Variants in DNAH2 observed in about 807,000 individuals in gnomAD.
DNAH2 encodes the protein dynein axonemal heavy chain 2.
DNAH2 carries 323 observed loss-of-function variants against 523.5 expected under a neutral mutation model. That is an observed-to-expected ratio of 0.62 (90% confidence interval 0.56 to 0.68). The LOEUF (loss-of-function observed/expected upper bound fraction) is 0.68. Among genes scored for constraint, DNAH2 ranks in the 30% least tolerant of loss-of-function variants. The pLI is 0.00. For synonymous variants in DNAH2, 2,093 were observed against 2,177.4 expected, an observed-to-expected ratio of 0.96 and a Z score of 1.08; for missense variants, 4,907 against 5,701.5, an observed-to-expected ratio of 0.86 and a Z score of 4.49.
rs2075765517 is a variant in DNAH2, at chr17:7,754,019, A to T, written c.1905-3072A>T. ...GGCCTGGGAAGCATCCATGGGGTGG[A>T]GTGCTAGGGGATGCTTGGTGAGTGT... On this transcript the variant is annotated intron_variant, in intron 12 of 85. Transcript: ENST00000572933. This position sits in a 1 kb window ranked among gnomAD's most constrained non-coding sequence, Gnocchi z 4.6. 6.6e-6 allele frequency among the ~76,000 whole-genome samples: 1 copy of T among 151,880 alleles called. No individual in the cohort carries two copies. The highest frequency in any genetic ancestry group is 6.6e-5 in the Admixed American group (1 of 15,216).
chr17:7,807,691 T>C lies in DNAH2; in HGVS notation c.9729+105T>C. The C allele has an allele frequency of 1.0e-6, 1 of 986,426 alleles. No individual in the cohort carries two copies. The allele number at this position is 986,426 out of a possible 1,614,324, so 61.1% of individuals were successfully genotyped here. On this transcript the variant is annotated intron_variant, in intron 63 of 85. Coordinates refer to ENST00000572933, the MANE Select transcript of DNAH2 (RefSeq NM_020877.5). This position sits in a 1 kb window ranked among gnomAD's most constrained non-coding sequence, Gnocchi z 5.6. ...CATCTAATTCTAGCCCCCTTCCCCA[T>C]GTCCTGTGCCATTCCAGTCCTGTCT...
At chr17:7,824,443 C>G (rs914546643) in intron 76 of DNAH2, 94 bp from the exon 77 acceptor site, 5 of 1,388,400 alleles carry the variant, frequency 3.6e-6, no homozygotes, top group African/African-American at 1.5e-5. Flanking sequence ...AGTGTTAGGC[C>G]CCCCCAGCAC....
intron 79 of DNAH2, 111 bp from the exon 80 acceptor site, chr17:7,830,975 G>C (rs191532516): frequency 6.6e-7 from 1 of 1,506,970 alleles, no homozygotes; most frequent in Non-Finnish European, 9.1e-7. Flanking sequence ...ATTGAGATGG[G>C]GAGCAGGGCA....
chr17:7,788,282 G>A, intron 44 of DNAH2, 38 bp downstream of exon 44: 1 of 1,527,424 alleles, frequency 6.5e-7, no homozygotes, highest in Non-Finnish European at 8.8e-7. Context: ...GGGGCAGGGG[G>A]TGCTCACAGC....
At chr17:7,787,312 A>T in intron 42 of DNAH2, 2 of 515,658 alleles carry the variant, frequency 3.9e-6, no homozygotes, top group Non-Finnish European at 6.9e-6. Flanking sequence ...ATGAGGCAGG[A>T]CCCTCGTTTG....
intron 22 of DNAH2, 116 bp downstream of exon 22, chr17:7,766,597 T>G: frequency 8.5e-7 from 1 of 1,183,132 alleles, no homozygotes; most frequent in Non-Finnish European, 1.1e-6. Context: ...AAGGAGCTTT[T>G]GTTTGTTTCA....
chr17:7,816,828 C>G, intron 64 of DNAH2, 93 bp downstream of exon 64: 1 of 1,494,610 alleles, frequency 6.7e-7, no homozygotes. Context: ...TCAGGGAAAA[C>G]GGGGACACCT....
intron 2 of DNAH2, among the ~76,000 whole-genome samples, chr17:7,723,151 T>C (rs1227186144): frequency 6.6e-6 from 1 of 150,638 alleles, no homozygotes; most frequent in Non-Finnish European, 1.5e-5. Context: ...TTGTATTTTT[T>C]AGTAGAGACG....
At chr17:7,734,366 A>T in intron 6 of DNAH2, 73 bp downstream of exon 6, 1 of 1,601,186 alleles carries the variant, frequency 6.2e-7, no homozygotes, top group Non-Finnish European at 8.5e-7. Flanking sequence ...GGATGCTGAC[A>T]ATGGAGTTGG....
chr17:7,821,458 C>G lies in DNAH2; in HGVS notation c.11142+89C>G. On this transcript the variant is annotated intron_variant, in intron 73 of 85. Transcript: ENST00000572933. This position sits in a 1 kb window ranked among gnomAD's most constrained non-coding sequence, Gnocchi z 5.0. The stretch of plus-strand genomic sequence containing the variant: ...GACAAGGACTCCAGACCCAGAGGGT[C>G]AGGCCCACAGCATCAGTGAGTGAGC... 5 of 1,471,950 alleles carry G rather than the reference C, an allele frequency of 3.4e-6. No homozygotes were observed. In the South Asian group the frequency reaches 6.8e-5, roughly 20 times the overall value. 91.2% of individuals were successfully genotyped at this position (1,471,950 alleles called of 1,614,324 possible). A position where few individuals can be genotyped will look rare whatever the true frequency, so the allele number is the denominator to read the frequency against.
Position 7,792,324 on chromosome 17 carries a change from AG to A in DNAH2, c.7127del (p.Ser2376IlefsTer27). ...WTSFEDKLPK[S>X]WRYPPNAPFY... ...ATCATTTGAGGACAAGCTCCCTAAG[AG>A]TTGGCGCTACCCTCCAAAGTAAGAG... On this transcript the variant is annotated frameshift_variant, in exon 46 of 86. Coordinates refer to ENST00000572933, the MANE Select transcript of DNAH2 (RefSeq NM_020877.5). LOFTEE classifies it high-confidence loss of function. The A allele has an allele frequency of 6.2e-7, 1 of 1,614,034 alleles. No individual in the cohort carries two copies. Among genetic ancestry groups the A allele is most frequent in the Non-Finnish European group, 8.5e-7 (1 of 1,179,982 alleles).
rs754102236 is a variant in DNAH2, at chr17:7,765,552, T to C, written c.3498T>C (p.Asp1166=). The C allele has an allele frequency of 6.2e-7, 1 of 1,613,188 alleles. No individual in the cohort carries two copies. Among genetic ancestry groups the C allele is most frequent in the East Asian group, 2.2e-5 (1 of 44,862 alleles). ...AGAAAGCACATACACTTCTGGAAGATTTCGAATTCAAAGGTACTCCTTGAT... is the reference window on the plus strand; with the variant it reads ...AGAAAGCACATACACTTCTGGAAGACTTCGAATTCAAAGGTACTCCTTGAT... ...FKKKAHTLLE[D]FEFKGHFTSN... The change falls in exon 21 of 86, where the codon GAT becomes GAC. Residue 1166 remains aspartate (D), a synonymous_variant. Coordinates refer to ENST00000572933, the MANE Select transcript of DNAH2 (RefSeq NM_020877.5).
At chr17:7,739,398 T>C (rs1288163123) in intron 8 of DNAH2, among the ~76,000 whole-genome samples, 1 of 152,154 alleles carries the variant, frequency 6.6e-6, no homozygotes, top group Non-Finnish European at 1.5e-5. Flanking sequence ...AGAGAGAGAC[T>C]CTGTCTCAAA....
intron 30 of DNAH2, 97 bp from the exon 31 acceptor site, chr17:7,775,927 A>G (rs2076439596): frequency 6.6e-7 from 1 of 1,510,154 alleles, no homozygotes; most frequent in Non-Finnish European, 9.0e-7. Flanking sequence ...CTCTGGGTAC[A>G]AAGCCCTGAA....
intron 8 of DNAH2, among the ~76,000 whole-genome samples, chr17:7,737,526 G>A (rs1472453588): frequency 6.6e-6 from 1 of 152,224 alleles, no homozygotes; most frequent in Non-Finnish European, 1.5e-5. Flanking sequence ...GGAAGACGGG[G>A]AAGCAGCAGG....
At chr17:7,726,583 G>A (rs1305736923) in intron 3 of DNAH2, among the ~76,000 whole-genome samples, 1 of 152,122 alleles carries the variant, frequency 6.6e-6, no homozygotes, top group Non-Finnish European at 1.5e-5. Context: ...GATTATAGAT[G>A]TGAGCCACCG....
Position 7,754,794 on chromosome 17 carries a change from G to C in DNAH2, c.1905-2297G>C, listed in dbSNP as rs1597543792. The C allele has an allele frequency of 1.5e-4, 122 of 790,234 alleles. 1 individual carries two copies. In the South Asian group the frequency reaches 1.7e-3, roughly 11 times the overall value. The allele number at this position is 790,234 out of a possible 1,614,324, so 49.0% of individuals were successfully genotyped here. ...AACCAAGGCCCAGGCTGCAGCTCCA[G>C]CTTCAGTTTCAGCTCAGGCTCCCAA... On this transcript the variant is annotated intron_variant, in intron 12 of 85. Coordinates refer to ENST00000572933, the MANE Select transcript of DNAH2 (RefSeq NM_020877.5). This position sits in a 1 kb window ranked among gnomAD's most constrained non-coding sequence, Gnocchi z 4.6.
intron 73 of DNAH2, among the ~76,000 whole-genome samples, chr17:7,822,656 A>G (rs976816163): frequency 6.6e-6 from 1 of 152,128 alleles, no homozygotes; most frequent in Admixed American, 6.6e-5. Flanking sequence ...TAATCTGCCC[A>G]TGAATTCACA....
chr17:7,752,917 C>A (rs1472314584), intron 12 of DNAH2, among the ~76,000 whole-genome samples: 2 of 152,094 alleles, frequency 1.3e-5, no homozygotes, highest in Non-Finnish European at 2.9e-5. Flanking sequence ...CAATTTCTGG[C>A]CTCTCTTGAA....
Sources: gnomAD v4.1 joint callset for allele counts (sites outside exome capture counted in the v4.1 genomes callset) on GRCh38, gnomAD v4.1.1 for gene constraint, Gnocchi (gnomAD v3.1) non-coding constraint, MANE v1.5 for transcripts, NCBI Gene and HGNC (gene_info 2026-07-23, HGNC 2026-07-21) for gene names.